Variants in OR6N1 observed in about 807,000 individuals in gnomAD.
OR6N1 encodes the protein olfactory receptor family 6 subfamily N member 1.
For missense variants in OR6N1, 394 were observed against 371.7 expected, an observed-to-expected ratio of 1.06 and a Z score of -0.49; for synonymous variants, 170 against 150.7, an observed-to-expected ratio of 1.13 and a Z score of -0.94.
chr1:158,795,061 C>T, the OR6N1 span, among the ~76,000 whole-genome samples: 1 of 152,166 alleles, frequency 6.6e-6, no homozygotes, highest in East Asian at 1.9e-4. Flanking sequence ...TACTCTGGCT[C>T]CCCACATGTG....
the OR6N1 span, among the ~76,000 whole-genome samples, chr1:158,782,330 T>A: frequency 2.6e-5 from 4 of 152,216 alleles, no homozygotes; most frequent in Non-Finnish European, 5.9e-5. Flanking sequence ...TCCAAATAAT[T>A]AACTTTGCCT....
chr1:158,816,495 G>A, the OR6N1 span, among the ~76,000 whole-genome samples: 1 of 152,126 alleles, frequency 6.6e-6, no homozygotes. Context: ...GTTCCAGACA[G>A]CCTGGGCAAC....
the OR6N1 span, among the ~76,000 whole-genome samples, chr1:158,828,314 G>A: frequency 2.0e-5 from 3 of 152,108 alleles, no homozygotes; most frequent in Non-Finnish European, 2.9e-5. Flanking sequence ...TTCCACCTAT[G>A]AGCCTGTAAA....
chr1:158,791,963 C>T, the OR6N1 span, among the ~76,000 whole-genome samples: 4 of 152,216 alleles, frequency 2.6e-5, no homozygotes, highest in East Asian at 7.7e-4. Context: ...CTTTATGCCT[C>T]GATTATCTGT....
At chr1:158,768,137 G>A (rs773265202) in intron 1 of OR6N1, among the ~76,000 whole-genome samples, 8 of 151,424 alleles carry the variant, frequency 5.3e-5, no homozygotes, top group Admixed American at 1.3e-4. Context: ...CAGTGCCCAT[G>A]GTCAGTGTTT....
At chr1:158,789,993 C>T in the OR6N1 span, among the ~76,000 whole-genome samples, 2 of 152,164 alleles carry the variant, frequency 1.3e-5, no homozygotes, top group Non-Finnish European at 1.5e-5. Context: ...GTCTTTAATG[C>T]ATTTTGATTT....
At chr1:158,802,126 C>T in the OR6N1 span, among the ~76,000 whole-genome samples, 2 of 151,850 alleles carry the variant, frequency 1.3e-5, no homozygotes, top group African/African-American at 4.8e-5. Flanking sequence ...GCAACCCTCA[C>T]TGGCTCTAGA....
At chr1:158,774,489 A>T (rs1657530096), upstream of OR6N1, 1 of 152,172 alleles carries the variant, frequency 6.6e-6, no homozygotes, top group Non-Finnish European at 1.5e-5. Context: ...CTCTCACTAC[A>T]CATGCCCCAC....
At chr1:158,810,426 C>A in the OR6N1 span, among the ~76,000 whole-genome samples, 1 of 152,164 alleles carries the variant, frequency 6.6e-6, no homozygotes, top group African/African-American at 2.4e-5. Flanking sequence ...CCCAGGGGAT[C>A]CTTGCTACAT....
upstream of OR6N1, chr1:158,774,310 T>C (rs111672858): frequency 9.8e-3 from 1,496 of 152,270 alleles, 31 homozygotes; most frequent in African/African-American, 0.035. Context: ...GACATACATA[T>C]ATATGCAAAG....
At chr1:158,823,555 G>A in the OR6N1 span, among the ~76,000 whole-genome samples, 1 of 151,694 alleles carries the variant, frequency 6.6e-6, no homozygotes. Context: ...ATTGATTATG[G>A]CACCTTTGGC....
At chr1:158,798,061 A>T in the OR6N1 span, among the ~76,000 whole-genome samples, 1 of 152,128 alleles carries the variant, frequency 6.6e-6, no homozygotes, top group Non-Finnish European at 1.5e-5. Context: ...TATTAGTAAT[A>T]TGTTATTATA....
At chr1:158,785,422 C>T in the OR6N1 span, among the ~76,000 whole-genome samples, 11 of 152,258 alleles carry the variant, frequency 7.2e-5, no homozygotes, top group South Asian at 1.5e-3. Context: ...TGAGTAGAGA[C>T]TACTGTGACA....
chr1:158,818,443 C>A, the OR6N1 span, among the ~76,000 whole-genome samples: 2 of 152,182 alleles, frequency 1.3e-5, no homozygotes, highest in East Asian at 3.8e-4. Flanking sequence ...GGTTAGAAAT[C>A]CCCCTATTGA....
chr1:158,783,155 C>T, the OR6N1 span, among the ~76,000 whole-genome samples: 2 of 152,118 alleles, frequency 1.3e-5, no homozygotes, highest in African/African-American at 2.4e-5. Context: ...TTACTTCCCC[C>T]CTTGTCACTT....
chr1:158,781,067 A>T, the OR6N1 span: 1 of 152,170 alleles, frequency 6.6e-6, no homozygotes, highest in African/African-American at 2.4e-5. Context: ...CACTAGACCA[A>T]TTGTTGGATT....
At chr1:158,781,822 T>C in the OR6N1 span, among the ~76,000 whole-genome samples, 1 of 152,250 alleles carries the variant, frequency 6.6e-6, no homozygotes, top group Non-Finnish European at 1.5e-5. Context: ...ACCTGAGCAT[T>C]TGCTAAGCAA....
the OR6N1 span, among the ~76,000 whole-genome samples, chr1:158,828,294 G>T: frequency 6.6e-6 from 1 of 152,142 alleles, no homozygotes; most frequent in South Asian, 2.1e-4. Flanking sequence ...TCCAAGACAA[G>T]GCAAGTCCCT....
chr1:158,777,091 G>A (rs185660018), upstream of OR6N1: 31 of 1,614,170 alleles, frequency 1.9e-5, no homozygotes, highest in East Asian at 5.8e-4. Flanking sequence ...CAGCAAAGGT[G>A]GAAAGTCACA....
Sources: allele counts gnomAD v4.1 joint callset (sites outside exome capture counted in the v4.1 genomes callset), GRCh38; gene constraint gnomAD v4.1.1; transcripts MANE v1.5; gene names NCBI Gene and HGNC (gene_info 2026-07-23, HGNC 2026-07-21).